TTC39C: variants seen among roughly 807,000 people sequenced by gnomAD.
TTC39C encodes the protein tetratricopeptide repeat protein 39C.
In TTC39C, 33 loss-of-function variants were observed where a neutral mutation model predicts 76.3. The observed-to-expected ratio is 0.43, with a 90% CI of 0.33 to 0.58. The LOEUF is 0.58. Ranked by LOEUF, TTC39C falls within the 20% of genes least tolerant of loss-of-function variation. The pLI is 0.04. For synonymous variants in TTC39C, 254 were observed against 260.6 expected, an observed-to-expected ratio of 0.97 and a Z score of 0.24; for missense variants, 595 against 701.4, an observed-to-expected ratio of 0.85 and a Z score of 1.71.
At chr18:24,045,508 T>C (rs73967656) in intron 1 of TTC39C, among the ~76,000 whole-genome samples, 11,465 of 152,146 alleles carry the variant, frequency 0.075, 1,374 homozygotes, top group African/African-American at 0.25. Flanking sequence ...AAAGTGCTTA[T>C]ATGATTAGTT....
intron 8 of TTC39C, 31 bp from the exon 9 acceptor site, chr18:24,123,803 A>G: frequency 6.5e-7 from 1 of 1,531,736 alleles, no homozygotes. Flanking sequence ...CCTGACTTGT[A>G]CTTAAGAAAT....
intron 1 of TTC39C, among the ~76,000 whole-genome samples, chr18:24,061,594 A>G (rs76785780): frequency 0.17 from 1,456 of 8,376 alleles, 69 homozygotes; most frequent in East Asian, 0.51. Context: ...TGAAATAAGT[A>G]AAAAAAAAAA....
intron 8 of TTC39C, 30 bp from the exon 9 acceptor site, chr18:24,123,804 C>G: frequency 5.2e-6 from 8 of 1,535,816 alleles, no homozygotes; most frequent in Non-Finnish European, 7.1e-6. Context: ...CTGACTTGTA[C>G]TTAAGAAATA....
At chr18:24,111,841 G>A (rs1242531489) in intron 6 of TTC39C, among the ~76,000 whole-genome samples, 12 of 151,714 alleles carry the variant, frequency 7.9e-5, no homozygotes, top group African/African-American at 2.9e-4. Flanking sequence ...GATTGAGGCA[G>A]CAGTGAGCTA....
intron 1 of TTC39C, chr18:23,994,174 T>C (rs1247676409): frequency 6.6e-6 from 1 of 152,212 alleles, no homozygotes; most frequent in African/African-American, 2.4e-5. Context: ...TCCTTAGATG[T>C]TTTGGCTGAA....
At chr18:24,051,692 T>C (rs2083951223) in intron 1 of TTC39C, among the ~76,000 whole-genome samples, 1 of 152,176 alleles carries the variant, frequency 6.6e-6, no homozygotes, top group South Asian at 2.1e-4. Flanking sequence ...AATAAAGTCT[T>C]TCCGTGAATT....
chr18:24,122,148 G>A (rs1444115620), intron 8 of TTC39C, among the ~76,000 whole-genome samples: 1 of 152,130 alleles, frequency 6.6e-6, no homozygotes, highest in East Asian at 1.9e-4. Flanking sequence ...GTACGTGCAC[G>A]CCTGGGATAG....
At chr18:24,033,124 A>G (rs1226479798) in intron 1 of TTC39C, among the ~76,000 whole-genome samples, 1 of 152,180 alleles carries the variant, frequency 6.6e-6, no homozygotes, top group South Asian at 2.1e-4. Context: ...CTGGTGGCAC[A>G]TGCCTATAAT....
At chr18:24,074,696 G>T (rs559499206) in intron 4 of TTC39C, among the ~76,000 whole-genome samples, 4 of 152,330 alleles carry the variant, frequency 2.6e-5, no homozygotes, top group African/African-American at 9.6e-5. Context: ...CTTTTACACT[G>T]TTGGTGGGAC....
At chr18:24,106,900 G>A (rs945469712) in intron 6 of TTC39C, among the ~76,000 whole-genome samples, 8 of 152,150 alleles carry the variant, frequency 5.3e-5, no homozygotes, top group African/African-American at 1.9e-4. Context: ...GGCCAGGCTG[G>A]TCTCAAACTC....
intron 1 of TTC39C, among the ~76,000 whole-genome samples, chr18:24,057,111 CT>C (rs2084025929): frequency 4.1e-4 from 1 of 2,456 alleles, no homozygotes; most frequent in Non-Finnish European, 6.0e-3. Context: ...CTTGCTTTAT[CT>C]ATCTTCTGTT....
At chr18:24,019,277 A>C (rs2083491898) in intron 1 of TTC39C, among the ~76,000 whole-genome samples, 1 of 152,244 alleles carries the variant, frequency 6.6e-6, no homozygotes, top group Admixed American at 6.5e-5. Flanking sequence ...TTTGATCCTA[A>C]GACTTCTGCA....
chr18:24,012,171 C>CT (rs1185762949), upstream of TTC39C, among the ~76,000 whole-genome samples: 2 of 152,180 alleles, frequency 1.3e-5, no homozygotes, highest in Non-Finnish European at 2.9e-5. Flanking sequence ...TTTGGAGGCT[C>CT]TTTTTGTATC....
At chr18:24,001,318 G>T (rs1327120412) in intron 1 of TTC39C, among the ~76,000 whole-genome samples, 1 of 152,156 alleles carries the variant, frequency 6.6e-6, no homozygotes, top group Non-Finnish European at 1.5e-5. Context: ...CTGACCTCAG[G>T]TCACTGGATT....
At position 24,073,303 on chromosome 18, in the gene TTC39C, G is replaced by A. The variant is rs1220704031; in HGVS notation, c.460+4032G>A. Among the ~76,000 whole-genome samples, 7 of 152,228 alleles carry A rather than the reference G, an allele frequency of 4.6e-5. No homozygotes were observed. The East Asian group carries it at 9.6e-4, about 21-fold the overall frequency. On this transcript the variant is annotated intron_variant, in intron 4 of 13. Coordinates refer to ENST00000317571, the MANE Select transcript of TTC39C (RefSeq NM_001135993.2). ...AAGGTCTGAATTCCTTTTGTGCGGG[G>A]CATGTAAGACCCTGCCTCTTTCCCA...
chr18:24,042,795 C>G (rs931384919), intron 1 of TTC39C, among the ~76,000 whole-genome samples: 2 of 152,084 alleles, frequency 1.3e-5, no homozygotes, highest in Admixed American at 6.6e-5. Flanking sequence ...AATGAATATA[C>G]CCTGTATATT....
In TTC39C at chr18:24,132,530, A is replaced by G. The variant is rs2085144224; in HGVS notation, c.1708A>G (p.Ile570Val). The stretch of plus-strand genomic sequence containing the variant: ...CTTTGAAAACAGATTGCATGTCCGC[A>G]TCCATGCTGCTCTGGCCTCTCTGAG... ...YDFENRLHVR[I>V]HAALASLREL... The change falls in exon 14 of 14, where the codon ATC becomes GTC. Residue 570 changes from isoleucine (I) to valine (V), a missense_variant. Ile to Val is a conservative substitution (Grantham distance 29). Transcript: ENST00000317571. The G allele has an allele frequency of 6.2e-7, 1 of 1,614,128 alleles. No individual in the cohort carries two copies. The highest frequency in any genetic ancestry group is 8.5e-7 in the Non-Finnish European group (1 of 1,180,012).
At chr18:24,079,447 C>T (rs1440765586) in intron 4 of TTC39C, among the ~76,000 whole-genome samples, 1 of 152,140 alleles carries the variant, frequency 6.6e-6, no homozygotes, top group Non-Finnish European at 1.5e-5. Context: ...TAAGAGGGCT[C>T]TGTTAAGAAA....
chr18:24,092,602 CATGTT>C (rs1183090727), intron 6 of TTC39C, among the ~76,000 whole-genome samples: 2 of 152,136 alleles, frequency 1.3e-5, no homozygotes, highest in Non-Finnish European at 2.9e-5. Flanking sequence ...ACCTTGAAAA[CATGTT>C]ATGTGTAAAA....
Sources: allele counts gnomAD v4.1 joint callset (sites outside exome capture counted in the v4.1 genomes callset), GRCh38; gene constraint gnomAD v4.1.1; transcripts MANE v1.5; gene names NCBI Gene and HGNC (gene_info 2026-07-23, HGNC 2026-07-21).